ALDH3B2: variants seen among roughly 807,000 people sequenced by gnomAD.
ALDH3B2 encodes aldehyde dehydrogenase 3 family member B2.
A neutral mutation model predicts 36.7 loss-of-function variants in ALDH3B2; 45 were observed. The observed-to-expected ratio is 1.23, with a 90% CI of 0.97 to 1.57. The LOEUF (loss-of-function observed/expected upper bound fraction) is 1.57. ALDH3B2 is among the 40% of genes most tolerant of loss of function. The pLI is 0.00. For missense variants in ALDH3B2, 464 were observed against 513.3 expected, an observed-to-expected ratio of 0.90 and a Z score of 0.93; for synonymous variants, 217 against 226.5, an observed-to-expected ratio of 0.96 and a Z score of 0.38.
Position 67,672,130 on chromosome 11 carries a change from G to GTATA in ALDH3B2, c.-245+2306_-245+2307insTATA, listed in dbSNP as rs1278965660. On this transcript the variant is annotated intron_variant, in intron 1 of 9. Coordinates refer to ENST00000349015, the Ensembl canonical transcript of ALDH3B2. Reference sequence around the variant, plus strand: ...TGTGTGTGTGTGTGTGTGTGTGTGTGTGTGTATATATATATGTATTTTTTT... The same window carrying GTATA: ...TGTGTGTGTGTGTGTGTGTGTGTGTGTATATGTGTATATATATATGTATTTTTTT... Among the ~76,000 whole-genome samples, 28 of 47,814 alleles carry GTATA rather than the reference G, an allele frequency of 5.9e-4. 1 individual carries two copies. Among genetic ancestry groups the GTATA allele is most frequent in the African/African-American group, 1.6e-3 (24 of 14,966 alleles). The allele number at this position is 47,814 out of a possible 152,430, so 31.4% of individuals were successfully genotyped here.
intron 1 of ALDH3B2, among the ~76,000 whole-genome samples, chr11:67,673,324 A>G (rs978915988): frequency 5.9e-5 from 9 of 152,090 alleles, no homozygotes; most frequent in African/African-American, 2.2e-4. Flanking sequence ...ATAGGTGACC[A>G]CCCCAGACTT....
chr11:67,674,479 T>C, exon 1 of ALDH3B2: 1 of 154,440 alleles, frequency 6.5e-6, no homozygotes, highest in Non-Finnish European at 1.4e-5. Context: ...GCACCTCCAC[T>C]CCCTTTCTTG....
upstream of ALDH3B2, among the ~76,000 whole-genome samples, chr11:67,676,794 T>G (rs567222668): frequency 6.6e-6 from 1 of 151,966 alleles, no homozygotes; most frequent in African/African-American, 2.4e-5. Flanking sequence ...CACTGAAATA[T>G]AAAAGAGCAT....
At chr11:67,678,703 G>T (rs28819504), upstream of ALDH3B2, among the ~76,000 whole-genome samples, 12,055 of 52,088 alleles carry the variant, frequency 0.23, 543 homozygotes, top group Non-Finnish European at 0.34. Flanking sequence ...ACACACTATG[G>T]TGTCTATATA....
chr11:67,668,410 C>A (rs997007607), intron 1 of ALDH3B2, among the ~76,000 whole-genome samples: 1 of 152,108 alleles, frequency 6.6e-6, no homozygotes, highest in South Asian at 2.1e-4. Context: ...AGGATCAGGA[C>A]CCTGGGGGTG....
At chr11:67,663,194 C>T (rs374404090) in exon 10 of ALDH3B2, 21 of 1,584,572 alleles carry the variant, frequency 1.3e-5, no homozygotes, top group South Asian at 4.7e-5. Flanking sequence ...CTGTGTGACC[C>T]GTTGGAGGCG....
At chr11:67,669,699 TGTATGGGTGTCTGTGTGC>T (rs1473525124) in intron 1 of ALDH3B2, among the ~76,000 whole-genome samples, 36 of 147,802 alleles carry the variant, frequency 2.4e-4, no homozygotes, top group Admixed American at 1.3e-3. Context: ...TGTCTGTGTG[TGTATGGGTGTCTGTGTGC>T]GTATGGGTGT....
intron 1 of ALDH3B2, among the ~76,000 whole-genome samples, chr11:67,672,394 A>G (rs1169305132): frequency 6.6e-6 from 1 of 150,836 alleles, no homozygotes; most frequent in Non-Finnish European, 1.5e-5. Context: ...ACCTCAGGTG[A>G]TCCCTGCCTT....
rs57997475 is a variant in ALDH3B2 at position 67,672,042 on chromosome 11, C to CAT, written c.-245+2393_-245+2394dup. Among the ~76,000 whole-genome samples, 73 of 49,454 alleles carry CAT rather than the reference C, an allele frequency of 1.5e-3. 1 individual carries two copies. The highest frequency in any genetic ancestry group is 5.8e-3 in the African/African-American group (57 of 9,770). The allele number at this position is 49,454 out of a possible 152,430, so 32.4% of individuals were successfully genotyped here. A position where few individuals can be genotyped will look rare whatever the true frequency, so the allele number is the denominator to read the frequency against. On this transcript the variant is annotated intron_variant, in intron 1 of 9. Coordinates refer to ENST00000349015, the Ensembl canonical transcript of ALDH3B2. The stretch of plus-strand genomic sequence containing the variant: ...CTTTCTGGATGGAACCGATGTACTT[C>CAT]ATATATATATATATATATATATATA...
At chr11:67,663,243 A>G (rs1158434019) in exon 10 of ALDH3B2, 1 of 1,612,460 alleles carries the variant, frequency 6.2e-7, no homozygotes, top group African/African-American at 1.3e-5. Flanking sequence ...CTGGGAGCCC[A>G]TGCCCCAGCG....
chr11:67,668,949 G>A (rs1855999568), intron 1 of ALDH3B2, among the ~76,000 whole-genome samples: 1 of 147,256 alleles, frequency 6.8e-6, no homozygotes, highest in South Asian at 2.2e-4. Context: ...ATGGGTGTGT[G>A]TATGTGTGTA....
chr11:67,675,653 G>C (rs989305590), upstream of ALDH3B2, among the ~76,000 whole-genome samples: 1 of 152,220 alleles, frequency 6.6e-6, no homozygotes, highest in African/African-American at 2.4e-5. Flanking sequence ...CCTGGCCCTG[G>C]AATCTTCGGT....
exon 10 of ALDH3B2, chr11:67,663,115 G>A (rs1451765880): frequency 2.9e-6 from 4 of 1,382,378 alleles, no homozygotes; most frequent in Non-Finnish European, 3.9e-6. Flanking sequence ...TGAGGCTGGG[G>A]GAACCTGCGG....
intron 1 of ALDH3B2, among the ~76,000 whole-genome samples, chr11:67,668,854 T>C (rs893653000): frequency 1.1e-4 from 16 of 149,304 alleles, no homozygotes; most frequent in Non-Finnish European, 2.1e-4. Flanking sequence ...TCTGTGTATG[T>C]ATGGGTGCTG....
chr11:67,677,379 A>T (rs1856291274), upstream of ALDH3B2, among the ~76,000 whole-genome samples: 1 of 152,216 alleles, frequency 6.6e-6, no homozygotes, highest in Non-Finnish European at 1.5e-5. Flanking sequence ...TAGATGCAGA[A>T]AAAGCATTTG....
chr11:67,669,586 G>A (rs1251791245), intron 1 of ALDH3B2, among the ~76,000 whole-genome samples: 2 of 151,334 alleles, frequency 1.3e-5, no homozygotes, highest in Non-Finnish European at 2.9e-5. Context: ...GTGTGTGTAT[G>A]GGTGCTGTGT....
upstream of ALDH3B2, among the ~76,000 whole-genome samples, chr11:67,676,322 A>G (rs1856270772): frequency 6.6e-6 from 1 of 152,192 alleles, no homozygotes; most frequent in Non-Finnish European, 1.5e-5. Flanking sequence ...AACCATGCAA[A>G]TAACTGGAAA....
At chr11:67,666,021 G>A (rs777117082) in intron 6 of ALDH3B2, 101 bp downstream of exon 6, 18 of 1,418,028 alleles carry the variant, frequency 1.3e-5, no homozygotes, top group Non-Finnish European at 1.7e-5. Context: ...CTCCCCACGT[G>A]CCCCCACTGC....
intron 1 of ALDH3B2, among the ~76,000 whole-genome samples, chr11:67,669,478 G>A (rs555535424): frequency 6.8e-6 from 1 of 148,144 alleles, no homozygotes; most frequent in East Asian, 2.0e-4. Flanking sequence ...GTGTGTATGG[G>A]TGTTTGTGTA....
Sources: gnomAD v4.1 joint callset for allele counts (sites outside exome capture counted in the v4.1 genomes callset) on GRCh38, gnomAD v4.1.1 for gene constraint, MANE v1.5 for transcripts, NCBI Gene and HGNC (gene_info 2026-07-23, HGNC 2026-07-21) for gene names.